Variants in NLGN4X observed in about 807,000 individuals in gnomAD.
NLGN4X encodes neuroligin 4 X-linked.
Under a neutral mutation model 40.3 loss-of-function variants are expected in NLGN4X, and 3 were observed. The ratio of observed to expected loss-of-function variants is 0.07; its 90% CI spans 0.03 to 0.19. The LOEUF is 0.19. NLGN4X is among the 10% of genes least tolerant of loss of function. The pLI is 1.00. For missense variants in NLGN4X, 382 were observed against 708.3 expected (o/e 0.54, Z 5.23); for synonymous variants, 270 against 306.8 (o/e 0.88, Z 1.25).
intron 3 of NLGN4X, among the ~76,000 whole-genome samples, chrX:5,996,321 C>A (rs1003485506): frequency 2.7e-5 from 3 of 112,378 alleles, no homozygotes; most frequent in African/African-American, 9.7e-5. Context: ...TGTGGGATCA[C>A]AACTTTCCTC....
intron 2 of NLGN4X, among the ~76,000 whole-genome samples, chrX:6,098,127 G>C (rs1333851381): frequency 1.8e-5 from 2 of 110,732 alleles, no homozygotes; most frequent in Non-Finnish European, 3.8e-5. Flanking sequence ...AGACAGCCTT[G>C]CCTCTACAAA....
intron 2 of NLGN4X, among the ~76,000 whole-genome samples, chrX:6,059,094 C>T (rs1181037411): frequency 8.9e-6 from 1 of 111,960 alleles, no homozygotes; most frequent in Non-Finnish European, 1.9e-5. Flanking sequence ...TGAACCCTAG[C>T]AGAGTTAAGA....
chrX:5,900,832 G>A (rs1005721983), intron 5 of NLGN4X, among the ~76,000 whole-genome samples: 8 of 110,063 alleles, frequency 7.3e-5, no homozygotes, highest in Admixed American at 6.8e-4. Context: ...CTCCTGCCTC[G>A]GCCTCCCAAA....
chrX:5,999,972 T>C (rs1435151767), intron 3 of NLGN4X, among the ~76,000 whole-genome samples: 3 of 112,545 alleles, frequency 2.7e-5, no homozygotes, highest in Non-Finnish European at 5.6e-5. Context: ...AGAACAAATA[T>C]ATCAGTGTGG....
chrX:5,955,192 G>C (rs2034453669), intron 3 of NLGN4X, among the ~76,000 whole-genome samples: 2 of 111,587 alleles, frequency 1.8e-5, no homozygotes, highest in African/African-American at 3.3e-5. Context: ...TATCCGGATG[G>C]TGGAACAGCA....
intron 2 of NLGN4X, among the ~76,000 whole-genome samples, chrX:6,130,875 A>G (rs1251955668): frequency 2.7e-5 from 3 of 112,065 alleles, no homozygotes; most frequent in Non-Finnish European, 3.8e-5. Flanking sequence ...GAGTATTCAT[A>G]TATGTGGACA....
intron 3 of NLGN4X, 78 bp downstream of exon 3, chrX:6,029,202 C>A (rs1474047588): frequency 2.7e-6 from 3 of 1,092,923 alleles, no homozygotes; most frequent in African/African-American, 3.6e-5. Context: ...GGATTCAAAT[C>A]CACGAGCCCC....
At chrX:6,133,011 T>C (rs973034882) in intron 2 of NLGN4X, among the ~76,000 whole-genome samples, 1 of 111,740 alleles carries the variant, frequency 8.9e-6, no homozygotes, top group African/African-American at 3.3e-5. Context: ...GGGGAGCAAC[T>C]GAGATTGACG....
chrX:6,132,955 G>C (rs139462987), intron 2 of NLGN4X, among the ~76,000 whole-genome samples: 132 of 111,776 alleles, frequency 1.2e-3, no homozygotes, highest in African/African-American at 3.4e-3. Context: ...TTCGAACATG[G>C]TAAGTTTGAA....
intron 3 of NLGN4X, among the ~76,000 whole-genome samples, chrX:5,965,506 A>G (rs921441071): frequency 2.7e-5 from 3 of 112,306 alleles, no homozygotes; most frequent in Non-Finnish European, 5.6e-5. Context: ...CATGGTCCTC[A>G]GTAGCTTCAG....
At chrX:6,127,061 T>C (rs759014793) in intron 2 of NLGN4X, among the ~76,000 whole-genome samples, 2 of 111,066 alleles carry the variant, frequency 1.8e-5, no homozygotes, top group South Asian at 7.7e-4. Flanking sequence ...AATAAACAGG[T>C]TCACTCTTGC....
rs374455950 is a variant in NLGN4X at position 6,074,263 on chromosome X, ACAG to A, written c.473-44834_473-44832del. On this transcript the variant is annotated intron_variant, in intron 2 of 5. Transcript: ENST00000381095. ...CCTTGGCATTGAAGTCCCAGCCTTC[ACAG>A]CAGCCAATATTCCCTGTAAATACTC... is the stretch of plus-strand genomic sequence containing the variant. 5.8e-3 allele frequency among the ~76,000 whole-genome samples: 651 copies of A among 111,548 alleles called. 6 individuals carry two copies. The highest frequency in any genetic ancestry group is 0.019 in the African/African-American group (584 of 30,704).
chrX:6,032,067 C>A (rs774764021), intron 2 of NLGN4X, among the ~76,000 whole-genome samples: 120 of 93,655 alleles, frequency 1.3e-3, no homozygotes, highest in African/African-American at 4.7e-3. Flanking sequence ...TTCCCCACCC[C>A]CCCTTAAATG....
At chrX:6,091,820 T>A (rs761378467) in intron 2 of NLGN4X, among the ~76,000 whole-genome samples, 1 of 111,843 alleles carries the variant, frequency 8.9e-6, no homozygotes, top group Non-Finnish European at 1.9e-5. Flanking sequence ...TAAGAACATG[T>A]ACGAACTGGG....
intron 3 of NLGN4X, among the ~76,000 whole-genome samples, chrX:6,011,519 T>A (rs1360185348): frequency 1.8e-5 from 2 of 110,812 alleles, no homozygotes; most frequent in Non-Finnish European, 3.8e-5. Flanking sequence ...CTGCTGGAGA[T>A]GCAATAAGAT....
intron 3 of NLGN4X, among the ~76,000 whole-genome samples, chrX:5,941,180 G>GT (rs1569143828): frequency 0.12 from 7,190 of 58,522 alleles, 387 homozygotes; most frequent in Non-Finnish European, 0.14. Context: ...TATGCTAGGG[G>GT]GTGTGTGTGT....
intron 2 of NLGN4X, among the ~76,000 whole-genome samples, chrX:6,070,844 A>G (rs1049200289): frequency 1.8e-5 from 2 of 111,500 alleles, no homozygotes; most frequent in African/African-American, 6.5e-5. Flanking sequence ...CCTGCCAGAC[A>G]CTTTTAAAAC....
At chrX:5,948,882 A>G (rs970380847) in intron 3 of NLGN4X, among the ~76,000 whole-genome samples, 3 of 111,939 alleles carry the variant, frequency 2.7e-5, no homozygotes, top group African/African-American at 9.7e-5. Context: ...AAGAGACAGG[A>G]GTCCTCAATC....
At chrX:6,199,243 C>T (rs1295948180) in intron 1 of NLGN4X, among the ~76,000 whole-genome samples, 2 of 111,739 alleles carry the variant, frequency 1.8e-5, no homozygotes, top group Non-Finnish European at 3.8e-5. Flanking sequence ...AGCAATCTTT[C>T]AAACTGTATT....
Sources: gnomAD v4.1 joint callset for allele counts (sites outside exome capture counted in the v4.1 genomes callset) on GRCh38, gnomAD v4.1.1 for gene constraint, MANE v1.5 for transcripts, NCBI Gene and HGNC (gene_info 2026-07-23, HGNC 2026-07-21) for gene names.